Variants in MITF observed in about 807,000 individuals in gnomAD.
MITF encodes microphthalmia-associated transcription factor.
Under a neutral mutation model 60.5 loss-of-function variants are expected in MITF, and 17 were observed. The ratio of observed to expected loss-of-function variants is 0.28; its 90% confidence interval spans 0.19 to 0.42. The LOEUF is 0.42. Among genes scored for constraint, MITF ranks in the 10% least tolerant of loss-of-function variants. The pLI, the probability that MITF is intolerant of heterozygous loss-of-function variation, is 1.00. For synonymous variants in MITF, 260 were observed against 248.5 expected (o/e 1.05, Z -0.43); for missense variants, 622 against 683.5 (o/e 0.91, Z 1.00).
intron 2 of MITF, among the ~76,000 whole-genome samples, chr3:69,881,031 G>GAGC (rs1386845789): frequency 6.6e-6 from 1 of 152,004 alleles, no homozygotes; most frequent in Non-Finnish European, 1.5e-5. Context: ...TCTTAAAAGT[G>GAGC]AGCATAATTT....
intron 1 of MITF, among the ~76,000 whole-genome samples, chr3:69,746,610 C>T (rs985408732): frequency 2.2e-4 from 33 of 152,098 alleles, no homozygotes; most frequent in African/African-American, 7.7e-4. Context: ...GACTACACTC[C>T]AAGTATGCAT....
intron 1 of MITF, among the ~76,000 whole-genome samples, chr3:69,817,616 G>C (rs889867848): frequency 6.6e-6 from 1 of 151,968 alleles, no homozygotes; most frequent in Non-Finnish European, 1.5e-5. Context: ...GAGCAGGCAA[G>C]AATTCAAAAT....
intron 2 of MITF, among the ~76,000 whole-genome samples, chr3:69,921,328 T>C: frequency 6.6e-6 from 1 of 152,214 alleles, no homozygotes; most frequent in Admixed American, 6.5e-5. Context: ...TAAGAGACTT[T>C]TAAGTGACAC....
chr3:69,851,423 G>T (rs951202985), intron 1 of MITF, among the ~76,000 whole-genome samples: 1 of 152,072 alleles, frequency 6.6e-6, no homozygotes, highest in Non-Finnish European at 1.5e-5. Context: ...CCTTATACTA[G>T]TGAAAGGATA....
chr3:69,861,103 G>C (rs2064008674), intron 1 of MITF, among the ~76,000 whole-genome samples: 1 of 152,160 alleles, frequency 6.6e-6, no homozygotes, highest in Non-Finnish European at 1.5e-5. Context: ...AAAGTGAGTT[G>C]TGCTCAGCCA....
intron 1 of MITF, among the ~76,000 whole-genome samples, chr3:69,799,581 C>T (rs1208726188): frequency 5.9e-5 from 9 of 152,086 alleles, no homozygotes; most frequent in Non-Finnish European, 1.0e-4. Context: ...AGCAGTTTAG[C>T]CTTTGTTTTG....
chr3:69,812,157 G>A lies in MITF; in HGVS notation c.105-66977G>A, dbSNP rs941366821. On this transcript the variant is annotated intron_variant, in intron 1 of 9. Transcript: ENST00000352241. ...GGGTAAGGAGAATAAGCAAAAGAGT[G>A]TGATGTTGTGGAAAGAATGAAGACA... is the stretch of plus-strand genomic sequence containing the variant. 1.7e-4 allele frequency among the ~76,000 whole-genome samples: 26 copies of A among 152,198 alleles called. 1 individual carries two copies. The highest frequency in any genetic ancestry group is 1.5e-5 in the Non-Finnish European group (1 of 68,028).
At chr3:69,936,112 C>T (rs2065827312) in intron 2 of MITF, among the ~76,000 whole-genome samples, 1 of 152,094 alleles carries the variant, frequency 6.6e-6, no homozygotes, top group Admixed American at 6.6e-5. Context: ...GAATAAGGTG[C>T]ATATTAAGAC....
intron 1 of MITF, among the ~76,000 whole-genome samples, chr3:69,857,281 G>A (rs1283755309): frequency 6.6e-6 from 1 of 151,988 alleles, no homozygotes; most frequent in Non-Finnish European, 1.5e-5. Flanking sequence ...GTGGGCTCTG[G>A]AGTTTCAAAC....
At chr3:69,812,062 G>C (rs2063109177) in intron 1 of MITF, among the ~76,000 whole-genome samples, 1 of 149,718 alleles carries the variant, frequency 6.7e-6, no homozygotes. Flanking sequence ...AACCCCAGAT[G>C]CTTTGAGTAG....
At position 69,742,170 on chromosome 3, in the gene MITF, C is replaced by G. The variant is rs147964307; in HGVS notation, c.104+2469C>G. Among the ~76,000 whole-genome samples, 523 of 151,560 alleles carry G rather than the reference C, an allele frequency of 3.5e-3. 4 individuals are homozygous for G. Among genetic ancestry groups the G allele is most frequent in the African/African-American group, 0.012 (497 of 41,398 alleles). Reference sequence around the variant, plus strand: ...TTTTCAGTATAGTAGCCACAATGTTCCTGTTAAAACTGGTTCTCAGTTGGA... The same window carrying G: ...TTTTCAGTATAGTAGCCACAATGTTGCTGTTAAAACTGGTTCTCAGTTGGA... On this transcript the variant is annotated intron_variant, in intron 1 of 9. Coordinates refer to ENST00000352241, the MANE Select transcript of MITF (RefSeq NM_001354604.2).
chr3:69,863,383 G>A (rs1278592250), intron 1 of MITF, among the ~76,000 whole-genome samples: 1 of 152,224 alleles, frequency 6.6e-6, no homozygotes, highest in Non-Finnish European at 1.5e-5. Flanking sequence ...GAACTGTACT[G>A]TAAGGTAGAT....
intron 9 of MITF, among the ~76,000 whole-genome samples, chr3:69,963,573 ATTAC>A (rs2066604087): frequency 6.6e-6 from 1 of 152,210 alleles, no homozygotes; most frequent in South Asian, 2.1e-4. Context: ...AAATAACCAT[ATTAC>A]TTACTAACTG....
chr3:69,761,220 A>T (rs2062207859), intron 1 of MITF, among the ~76,000 whole-genome samples: 1 of 152,226 alleles, frequency 6.6e-6, no homozygotes, highest in South Asian at 2.1e-4. Context: ...AGAAACAGAA[A>T]CATCAGGAAT....
At position 69,889,369 on chromosome 3, in the gene MITF, C is replaced by G. The variant is rs377466997; in HGVS notation, c.354+9986C>G. On this transcript the variant is annotated intron_variant, in intron 2 of 9. Coordinates refer to ENST00000352241, the MANE Select transcript of MITF (RefSeq NM_001354604.2). ...CATCTATAAAATGGAGGTAATAATA[C>G]TCGCCCTGGGGAGTTTTTGCGAGAG... 1.3e-4 allele frequency among the ~76,000 whole-genome samples: 19 copies of G among 151,640 alleles called. 1 individual carries two copies. In the East Asian group the frequency reaches 3.7e-3, roughly 29 times the overall value.
At chr3:69,758,117 G>GCA (rs111261020) in intron 1 of MITF, among the ~76,000 whole-genome samples, 7,138 of 120,020 alleles carry the variant, frequency 0.059, 459 homozygotes, top group African/African-American at 0.18. Context: ...TATATCATAT[G>GCA]CACACACACA....
chr3:69,883,734 T>G (rs1321913092), intron 2 of MITF, among the ~76,000 whole-genome samples: 1 of 152,122 alleles, frequency 6.6e-6, no homozygotes, highest in Non-Finnish European at 1.5e-5. Flanking sequence ...CAGCTTGCCT[T>G]TGTCCCCTCA....
chr3:69,843,684 C>T (rs986494110), intron 1 of MITF, among the ~76,000 whole-genome samples: 1 of 152,090 alleles, frequency 6.6e-6, no homozygotes, highest in Non-Finnish European at 1.5e-5. Flanking sequence ...TGTAACTGAT[C>T]ATGTTTTCTT....
chr3:69,948,926 T>A lies in MITF; in HGVS notation c.763-125T>A. On this transcript the variant is annotated intron_variant, in intron 5 of 9. Transcript: ENST00000352241. ...GTAAACATCTCATATTTTCCTATTT[T>A]AAAAATGATTTTTTGTATCAAATAA... The A allele has an allele frequency of 3.9e-6, 3 of 760,656 alleles. 1 individual carries two copies. The highest frequency in any genetic ancestry group is 3.1e-5 in the South Asian group (2 of 64,590). 47.1% of individuals were successfully genotyped at this position (760,656 alleles called of 1,614,324 possible).
Sources: allele counts gnomAD v4.1 joint callset (sites outside exome capture counted in the v4.1 genomes callset), GRCh38; gene constraint gnomAD v4.1.1; transcripts MANE v1.5; gene names NCBI Gene and HGNC (gene_info 2026-07-23, HGNC 2026-07-21).